Variants in GRM7 observed in about 807,000 individuals in gnomAD.
The protein encoded by GRM7 is metabotropic glutamate receptor 7.
In GRM7, 35 loss-of-function variants were observed where a neutral mutation model predicts 84.5. The observed-to-expected ratio is 0.41, with a 90% CI of 0.32 to 0.55. The LOEUF (loss-of-function observed/expected upper bound fraction) is 0.55. Ranked by LOEUF, GRM7 falls within the 20% of genes least tolerant of loss-of-function variation. The pLI, the probability that GRM7 is intolerant of heterozygous loss-of-function variation, is 0.19. For missense variants in GRM7, 1,003 were observed against 1,194.6 expected, an observed-to-expected ratio of 0.84 and a Z score of 2.36; for synonymous variants, 487 against 455.1, an observed-to-expected ratio of 1.07 and a Z score of -0.89.
intron 1 of GRM7, among the ~76,000 whole-genome samples, chr3:7,077,445 C>T (rs1349948891): frequency 1.3e-5 from 2 of 151,902 alleles, no homozygotes; most frequent in Non-Finnish European, 2.9e-5. Context: ...AGCTGGAAAC[C>T]ATCATTCTCA....
chr3:7,583,331 C>T (rs1356866753), intron 8 of GRM7, among the ~76,000 whole-genome samples: 1 of 152,152 alleles, frequency 6.6e-6, no homozygotes, highest in Non-Finnish European at 1.5e-5. Context: ...AGAATCTGAA[C>T]ACAAAGTAAA....
chr3:7,023,646 A>G (rs1695863397), intron 1 of GRM7, among the ~76,000 whole-genome samples: 1 of 152,178 alleles, frequency 6.6e-6, no homozygotes, highest in Non-Finnish European at 1.5e-5. Flanking sequence ...AGGGAGGGTC[A>G]GCTTTCTGGG....
intron 9 of GRM7, among the ~76,000 whole-genome samples, chr3:7,731,918 TCTGTTAC>T (rs1316245233): frequency 3.9e-5 from 6 of 152,136 alleles, no homozygotes; most frequent in African/African-American, 1.4e-4. Flanking sequence ...GCAGCAAGCA[TCTGTTAC>T]CTGGCCACTC....
intron 1 of GRM7, among the ~76,000 whole-genome samples, chr3:7,005,341 A>T (rs996157140): frequency 6.6e-6 from 1 of 152,184 alleles, no homozygotes; most frequent in African/African-American, 2.4e-5. Context: ...GCTACCTGGG[A>T]TTCATATTTT....
chr3:7,642,047 T>C (rs1004300541), intron 8 of GRM7, among the ~76,000 whole-genome samples: 11 of 152,134 alleles, frequency 7.2e-5, no homozygotes, highest in Admixed American at 3.9e-4. Flanking sequence ...CTAATAGTCC[T>C]TCTAAAATAA....
chr3:7,580,065 C>T (rs922747082), intron 8 of GRM7, among the ~76,000 whole-genome samples: 1 of 152,214 alleles, frequency 6.6e-6, no homozygotes, highest in Non-Finnish European at 1.5e-5. Context: ...TTGAGGCCAA[C>T]ATATTTGCTA....
intron 1 of GRM7, among the ~76,000 whole-genome samples, chr3:7,121,757 G>A (rs1216680179): frequency 1.3e-5 from 2 of 152,130 alleles, no homozygotes; most frequent in African/African-American, 2.4e-5. Context: ...TGAAAACAAT[G>A]CCAATACATA....
chr3:6,899,792 C>T (rs1157249334), intron 1 of GRM7, among the ~76,000 whole-genome samples: 1 of 152,082 alleles, frequency 6.6e-6, no homozygotes, highest in Non-Finnish European at 1.5e-5. Context: ...AAAGCCTAAA[C>T]ATCAAGATGT....
At chr3:7,128,438 A>T (rs927079415) in intron 1 of GRM7, among the ~76,000 whole-genome samples, 2 of 151,068 alleles carry the variant, frequency 1.3e-5, no homozygotes, top group Non-Finnish European at 2.9e-5. Context: ...CTTATTTGAG[A>T]TTATGTTTTA....
chr3:7,593,290 C>T (rs1275466451), intron 8 of GRM7, among the ~76,000 whole-genome samples: 4 of 152,022 alleles, frequency 2.6e-5, no homozygotes, highest in Non-Finnish European at 4.4e-5. Flanking sequence ...ATCCAGTTTG[C>T]GGGGTTTTGG....
intron 2 of GRM7, among the ~76,000 whole-genome samples, chr3:7,182,526 C>T (rs948672723): frequency 6.6e-6 from 1 of 152,150 alleles, no homozygotes; most frequent in Non-Finnish European, 1.5e-5. Flanking sequence ...GATGAAGTTA[C>T]AACACAGTAA....
chr3:7,157,434 A>ATTT (rs1694488561), intron 2 of GRM7, among the ~76,000 whole-genome samples: 1 of 152,100 alleles, frequency 6.6e-6, no homozygotes, highest in African/African-American at 2.4e-5. Context: ...AGTGATATAA[A>ATTT]TTTTTCTAGT....
chr3:7,705,090 AGAGT>A (rs1368276852), intron 9 of GRM7, among the ~76,000 whole-genome samples: 2 of 152,068 alleles, frequency 1.3e-5, no homozygotes, highest in Non-Finnish European at 2.9e-5. Context: ...TGATCCCTCT[AGAGT>A]ATCTCATATA....
At chr3:7,018,593 G>A (rs1309926551) in intron 1 of GRM7, among the ~76,000 whole-genome samples, 3 of 152,370 alleles carry the variant, frequency 2.0e-5, no homozygotes, top group Non-Finnish European at 4.4e-5. Flanking sequence ...AAGGCTGAGC[G>A]TAGGAAGTGA....
At chr3:7,502,679 T>C (rs2124966742) in intron 7 of GRM7, among the ~76,000 whole-genome samples, 1 of 152,308 alleles carries the variant, frequency 6.6e-6, no homozygotes, top group Middle Eastern at 3.4e-3. Context: ...GTGTGTTCTG[T>C]GTCCTGAGAA....
At chr3:7,728,214 G>T (rs1702198417) in intron 9 of GRM7, among the ~76,000 whole-genome samples, 1 of 152,194 alleles carries the variant, frequency 6.6e-6, no homozygotes. Flanking sequence ...ACCGAACCGG[G>T]TCTGGCTGTG....
intron 5 of GRM7, among the ~76,000 whole-genome samples, chr3:7,438,230 C>G (rs750982413): frequency 4.6e-5 from 7 of 151,862 alleles, no homozygotes; most frequent in Non-Finnish European, 1.0e-4. Context: ...GTGAGGAGGC[C>G]ATACAGCAGT....
At chr3:7,270,015 C>G (rs970556792) in intron 2 of GRM7, among the ~76,000 whole-genome samples, 1 of 152,194 alleles carries the variant, frequency 6.6e-6, no homozygotes, top group South Asian at 2.1e-4. Flanking sequence ...ACATGGAAGG[C>G]TTGTTAATAC....
At chr3:7,546,791 G>T (rs1455001239) in intron 7 of GRM7, among the ~76,000 whole-genome samples, 3 of 151,944 alleles carry the variant, frequency 2.0e-5, no homozygotes, top group African/African-American at 7.3e-5. Flanking sequence ...ATTTGTTTTG[G>T]TTCCTGCTTT....
Sources: allele counts gnomAD v4.1 joint callset (sites outside exome capture counted in the v4.1 genomes callset), GRCh38; gene constraint gnomAD v4.1.1; transcripts MANE v1.5; gene names NCBI Gene and HGNC (gene_info 2026-07-23, HGNC 2026-07-21).